Variants in ZNF101 observed in about 807,000 individuals in gnomAD.
ZNF101 encodes zinc finger protein 101 (Y2).
In ZNF101, 34 loss-of-function variants were observed where a neutral mutation model predicts 42.6. The observed-to-expected ratio is 0.80, with a 90% CI of 0.61 to 1.06. The LOEUF (loss-of-function observed/expected upper bound fraction) is 1.06. ZNF101 is among the 50% of genes least tolerant of loss of function. The pLI, the probability that ZNF101 is intolerant of heterozygous loss-of-function variation, is 0.00. For synonymous variants in ZNF101, 158 were observed against 183.9 expected (o/e 0.86, Z 1.14); for missense variants, 466 against 530.9 (o/e 0.88, Z 1.20).
At chr19:19,670,751 TA>T (rs373946641) in intron 1 of ZNF101, among the ~76,000 whole-genome samples, 300 of 140,000 alleles carry the variant, frequency 2.1e-3, no homozygotes, top group African/African-American at 1.9e-3. Flanking sequence ...ACCCTGTCTT[TA>T]AAAAAAAAAA....
intron 1 of ZNF101, 53 bp downstream of exon 1, chr19:19,669,019 CG>C: frequency 1.3e-6 from 2 of 1,556,986 alleles, no homozygotes; most frequent in Non-Finnish European, 8.7e-7. Flanking sequence ...TGGTCGGAAC[CG>C]GCAGTGGCTG....
At chr19:19,674,384 C>T (rs2062189822) in intron 1 of ZNF101, among the ~76,000 whole-genome samples, 1 of 152,106 alleles carries the variant, frequency 6.6e-6, no homozygotes, top group Non-Finnish European at 1.5e-5. Flanking sequence ...CCATGCTGGT[C>T]AGGCTGGTCT....
At chr19:19,670,868 G>A (rs1353757455) in intron 1 of ZNF101, among the ~76,000 whole-genome samples, 1 of 152,242 alleles carries the variant, frequency 6.6e-6, no homozygotes, top group Non-Finnish European at 1.5e-5. Flanking sequence ...CACTTTGGGA[G>A]GCAGAGGCAG....
In ZNF101 at chr19:19,679,409, C is replaced by A; in HGVS notation, c.420C>A (p.Pro140=). Residue 140 remains proline, a synonymous_variant, in exon 4 of 4, where the codon CCC becomes CCA. Coordinates refer to ENST00000592502, the MANE Select transcript of ZNF101 (RefSeq NM_033204.4). ...SECGGEWRET[P]RKQKQHGKAS... is the part of the protein sequence containing the mutation. ...GTGGTGGGGAATGGAGAGAGACGCC[C>A]CGTAAACAGAAACAACATGGGAAAG... 6.2e-7 allele frequency: 1 copy of A among 1,613,892 alleles called. No homozygotes were observed. The highest frequency in any genetic ancestry group is 8.5e-7 in the Non-Finnish European group (1 of 1,179,872).
At chr19:19,673,102 G>T (rs769248836) in intron 1 of ZNF101, among the ~76,000 whole-genome samples, 1 of 150,836 alleles carries the variant, frequency 6.6e-6, no homozygotes, top group Non-Finnish European at 1.5e-5. Flanking sequence ...ATGCCACCAC[G>T]CCTGGCTAAT....
intron 3 of ZNF101, 30 bp downstream of exon 3, chr19:19,678,816 T>C: frequency 6.4e-7 from 1 of 1,570,924 alleles, no homozygotes; most frequent in Non-Finnish European, 8.6e-7. Flanking sequence ...GGAAGCAGTG[T>C]CTCTTGAGGG....
intron 1 of ZNF101, 116 bp from the exon 2 acceptor site, chr19:19,677,748 T>TA: frequency 6.9e-7 from 1 of 1,442,154 alleles, no homozygotes; most frequent in Non-Finnish European, 9.3e-7. Flanking sequence ...GGCCGATGAC[T>TA]CAATCATGGA....
chr19:19,678,332 A>G (rs2062215590), intron 2 of ZNF101, among the ~76,000 whole-genome samples: 1 of 151,618 alleles, frequency 6.6e-6, no homozygotes, highest in Non-Finnish European at 1.5e-5. Flanking sequence ...ATGCAGAAGT[A>G]TTGCTGGGTG....
chr19:19,677,778 G>A lies in ZNF101; in HGVS notation c.4-86G>A, dbSNP rs143174737. Reference sequence around the variant, plus strand: ...CATGGAGTGAGTGTTTGGAGAGCCCGGCGTCATGGGATCACTCATGTATTG... The same window carrying A: ...CATGGAGTGAGTGTTTGGAGAGCCCAGCGTCATGGGATCACTCATGTATTG... On this transcript the variant is annotated intron_variant, in intron 1 of 3. Coordinates refer to ENST00000592502, the MANE Select transcript of ZNF101 (RefSeq NM_033204.4). The A allele has an allele frequency of 2.2e-3, 3,365 of 1,540,522 alleles. 72 individuals are homozygous for A. The African/African-American group carries it at 0.041, about 19-fold the overall frequency.
Position 19,680,512 on chromosome 19 carries a change from G to A in ZNF101, c.*212G>A, listed in dbSNP as rs1028167939. 3 of 296,152 alleles carry A rather than the reference G, an allele frequency of 1.0e-5. No homozygotes were observed. Among genetic ancestry groups the A allele is most frequent in the South Asian group, 9.5e-5 (1 of 10,524 alleles). The allele number at this position is 296,152 out of a possible 1,614,324, so 18.3% of individuals were successfully genotyped here. ...TGGGCACCTGTAATCTCAGCTACTC[G>A]GGAGGCCGAGGCAGGAGAATCGCTT... is the stretch of plus-strand genomic sequence containing the variant. On this transcript the variant is annotated 3_prime_UTR_variant, in exon 4 of 4. Transcript: ENST00000592502.
At chr19:19,670,984 T>C (rs1469631615) in intron 1 of ZNF101, among the ~76,000 whole-genome samples, 1 of 152,202 alleles carries the variant, frequency 6.6e-6, no homozygotes, top group Non-Finnish European at 1.5e-5. Flanking sequence ...CGAGCGCCTG[T>C]AGTCCCAGAT....
In ZNF101 at chr19:19,679,409, C is replaced by T. The variant is rs777761995; in HGVS notation, c.420C>T (p.Pro140=). ...SECGGEWRET[P]RKQKQHGKAS... ...GTGGTGGGGAATGGAGAGAGACGCCCCGTAAACAGAAACAACATGGGAAAG... is the reference window on the plus strand; with the variant it reads ...GTGGTGGGGAATGGAGAGAGACGCCTCGTAAACAGAAACAACATGGGAAAG... Residue 140 remains proline (P), a synonymous_variant, in exon 4 of 4, where the codon CCC becomes CCT. Transcript: ENST00000592502. The T allele has an allele frequency of 6.2e-7, 1 of 1,613,890 alleles. No individual in the cohort carries two copies. The highest frequency in any genetic ancestry group is 1.7e-5 in the Admixed American group (1 of 59,992).
At chr19:19,673,076 C>G (rs919695201) in intron 1 of ZNF101, among the ~76,000 whole-genome samples, 2 of 151,756 alleles carry the variant, frequency 1.3e-5, no homozygotes, top group Admixed American at 6.6e-5. Context: ...TTCTGAGTAG[C>G]TGGGACTACA....
chr19:19,670,946 AT>A (rs2062164693), intron 1 of ZNF101, among the ~76,000 whole-genome samples: 2 of 152,312 alleles, frequency 1.3e-5, no homozygotes, highest in African/African-American at 4.8e-5. Flanking sequence ...TCTACTAAAA[AT>A]ACAAAAAAAT....
intron 1 of ZNF101, among the ~76,000 whole-genome samples, chr19:19,674,303 A>G (rs948223875): frequency 2.2e-4 from 33 of 151,940 alleles, no homozygotes; most frequent in Non-Finnish European, 1.5e-5. Flanking sequence ...TAGCCTCTCG[A>G]GTAGCTGGGA....
rs373089158 is a variant in ZNF101, at chr19:19,668,950, C to T, written c.-14C>T. ...CCAGCCCCAGGAAGGACCCAGGACA[C>T]CCGGAAGCCGGAAATGGTGAGCGTG... On this transcript the variant is annotated 5_prime_UTR_variant, in exon 1 of 4. Coordinates refer to ENST00000592502, the MANE Select transcript of ZNF101 (RefSeq NM_033204.4). The T allele has an allele frequency of 1.3e-6, 2 of 1,588,464 alleles. No homozygotes were observed. Among genetic ancestry groups the T allele is most frequent in the Middle Eastern group, 3.4e-4 (2 of 5,916 alleles).
At chr19:19,677,766 T>C in intron 1 of ZNF101, 98 bp from the exon 2 acceptor site, 1 of 1,511,206 alleles carries the variant, frequency 6.6e-7, no homozygotes, top group Non-Finnish European at 8.9e-7. Flanking sequence ...GGAGTGAGTG[T>C]TTGGAGAGCC....
At chr19:19,670,881 A>G (rs1191662659) in intron 1 of ZNF101, among the ~76,000 whole-genome samples, 1 of 152,224 alleles carries the variant, frequency 6.6e-6, no homozygotes, top group East Asian at 1.9e-4. Flanking sequence ...AGAGGCAGGC[A>G]GATCACGAGG....
At chr19:19,669,092 G>T (rs1568434955) in intron 1 of ZNF101, 126 bp downstream of exon 1, 6 of 1,349,780 alleles carry the variant, frequency 4.4e-6, no homozygotes, top group Admixed American at 4.4e-5. Flanking sequence ...GGCGCAGCTC[G>T]ACCCTTGGTC....
Sources: gnomAD v4.1 joint callset for allele counts (sites outside exome capture counted in the v4.1 genomes callset) on GRCh38, gnomAD v4.1.1 for gene constraint, MANE v1.5 for transcripts, NCBI Gene and HGNC (gene_info 2026-07-23, HGNC 2026-07-21) for gene names.